FBXW8: variants seen among roughly 807,000 people sequenced by gnomAD.
The protein encoded by FBXW8 is F-box/WD repeat-containing protein 8.
Under a neutral mutation model 65.3 loss-of-function variants are expected in FBXW8, and 57 were observed. That is an observed-to-expected ratio of 0.87 (90% CI 0.71 to 1.09). The LOEUF is 1.09. FBXW8 is among the 50% of genes least tolerant of loss of function. The pLI, the probability that FBXW8 is intolerant of heterozygous loss-of-function variation, is 0.00. For synonymous variants in FBXW8, 308 were observed against 330.2 expected (o/e 0.93, Z 0.73); for missense variants, 777 against 814.8 (o/e 0.95, Z 0.57).
chr12:116,931,027 C>G (rs1433308068), intron 2 of FBXW8, among the ~76,000 whole-genome samples: 2 of 152,176 alleles, frequency 1.3e-5, no homozygotes, highest in Admixed American at 1.3e-4. Flanking sequence ...AGGCTAGTCT[C>G]GAACTCCTGG....
At position 117,029,645 on chromosome 12, in the gene FBXW8, C is replaced by G. The variant is rs1023628029; in HGVS notation, c.*1473C>G. 2 of 152,080 alleles carry G rather than the reference C, an allele frequency of 1.3e-5. No homozygotes were observed. Among genetic ancestry groups the G allele is most frequent in the Admixed American group, 6.5e-5 (1 of 15,268 alleles). The allele number at this position is 152,080 out of a possible 1,614,324, so 9.4% of individuals were successfully genotyped here. On this transcript the variant is annotated 3_prime_UTR_variant, in exon 11 of 11. Coordinates refer to ENST00000652555, the MANE Select transcript of FBXW8 (RefSeq NM_153348.3). ...TTTCAGGTGGGGTCTCGCTCTGTCA[C>G]CTAGACTAGACTGGAGTGCAATGGC...
At chr12:116,958,485 TC>T (rs1428096880) in intron 4 of FBXW8, among the ~76,000 whole-genome samples, 2 of 152,214 alleles carry the variant, frequency 1.3e-5, no homozygotes, top group African/African-American at 4.8e-5. Flanking sequence ...ACCACTTCCA[TC>T]TTCTGGGTTT....
At chr12:116,995,676 G>C (rs1953357312) in intron 7 of FBXW8, among the ~76,000 whole-genome samples, 1 of 151,976 alleles carries the variant, frequency 6.6e-6, no homozygotes, top group South Asian at 2.1e-4. Flanking sequence ...GGATTCTTAG[G>C]TTCTGATGTT....
intron 7 of FBXW8, among the ~76,000 whole-genome samples, chr12:117,003,600 G>A (rs1339143403): frequency 6.6e-6 from 1 of 152,194 alleles, no homozygotes; most frequent in Non-Finnish European, 1.5e-5. Flanking sequence ...TCCCAAAAGT[G>A]CATTCTTTAG....
intron 1 of FBXW8, among the ~76,000 whole-genome samples, chr12:116,913,018 T>A (rs1050181908): frequency 2.6e-5 from 4 of 152,156 alleles, no homozygotes; most frequent in African/African-American, 9.7e-5. Flanking sequence ...GGGATTGAAT[T>A]TGGATCCAGG....
chr12:117,024,196 G>A lies in FBXW8; in HGVS notation c.1417G>A (p.Ala473Thr), dbSNP rs774780381. 3.7e-6 allele frequency: 6 copies of A among 1,614,014 alleles called. No individual in the cohort carries two copies. Among genetic ancestry groups the A allele is most frequent in the South Asian group, 1.1e-5 (1 of 91,084 alleles). Residue 473 changes from alanine to threonine, a missense_variant, in exon 9 of 11, where the codon GCC becomes ACC. Transcript: ENST00000652555. Reference sequence around the variant, plus strand: ...TGGTAACATCGCCCTGTCGCTCTCCGCCCATCAGCTCAGGGTCTCTGCTGT... The same window carrying A: ...TGGTAACATCGCCCTGTCGCTCTCCACCCATCAGCTCAGGGTCTCTGCTGT... ...RSGNIALSLS[A>T]HQLRVSAVQM...
chr12:117,020,896 A>T (rs1954077835), intron 8 of FBXW8, among the ~76,000 whole-genome samples: 1 of 152,232 alleles, frequency 6.6e-6, no homozygotes, highest in Admixed American at 6.5e-5. Flanking sequence ...GGAACTGTCA[A>T]CATGTTGTCT....
rs149542596 is a variant in FBXW8, at chr12:116,966,092, A to G, written c.835+1238A>G. On this transcript the variant is annotated intron_variant, in intron 5 of 10. Coordinates refer to ENST00000652555, the MANE Select transcript of FBXW8 (RefSeq NM_153348.3). ...AAATATTTTTATATTTTATATAATT[A>G]CTTTAGCAACGTGATGTTGGTTTGA... 2.3e-4 allele frequency among the ~76,000 whole-genome samples: 35 copies of G among 152,174 alleles called. No homozygotes were observed. In the East Asian group the frequency reaches 6.4e-3, roughly 28 times the overall value.
Position 116,985,312 on chromosome 12 carries a change from G to A in FBXW8, c.942G>A (p.Val314=). 1 of 1,614,182 alleles carries A rather than the reference G, an allele frequency of 6.2e-7. No homozygotes were observed. The highest frequency in any genetic ancestry group is 8.5e-7 in the Non-Finnish European group (1 of 1,180,036). Residue 314 remains valine (V), a synonymous_variant, in exon 6 of 11, where the codon GTG becomes GTA. Transcript: ENST00000652555. ...ALALSQDDAT[V]ATASAFDVVM... is the part of the protein sequence containing the mutation. ...CCCTCAGCCAGGACGATGCAACCGT[G>A]GCCACAGCTTCTGCTTTTGATGTCG... is the stretch of plus-strand genomic sequence containing the variant.
At chr12:116,926,619 C>T (rs938133006) in intron 1 of FBXW8, among the ~76,000 whole-genome samples, 2 of 152,108 alleles carry the variant, frequency 1.3e-5, no homozygotes, top group African/African-American at 4.8e-5. Context: ...CACCCCTGAG[C>T]CTTCTAATTA....
chr12:116,920,706 C>T (rs926978375), intron 1 of FBXW8, among the ~76,000 whole-genome samples: 1 of 152,102 alleles, frequency 6.6e-6, no homozygotes, highest in Non-Finnish European at 1.5e-5. Flanking sequence ...CTGTGGTGAC[C>T]AGGACCCGCA....
chr12:116,949,902 C>T (rs1424041814), intron 4 of FBXW8, 196 bp downstream of exon 4: 25 of 602,240 alleles, frequency 4.2e-5, no homozygotes, highest in Non-Finnish European at 2.7e-5. Flanking sequence ...GTGAGAAGCA[C>T]ATGGTGTAGA....
intron 7 of FBXW8, among the ~76,000 whole-genome samples, chr12:116,996,930 G>A (rs1214743929): frequency 6.6e-6 from 1 of 152,192 alleles, no homozygotes; most frequent in Non-Finnish European, 1.5e-5. Context: ...TGTAAAGGAG[G>A]CGTGTTGAGA....
chr12:117,023,198 C>G (rs566496027), intron 8 of FBXW8, among the ~76,000 whole-genome samples: 1 of 152,152 alleles, frequency 6.6e-6, no homozygotes, highest in Admixed American at 6.5e-5. Flanking sequence ...AGTCAGGGCA[C>G]GGGACATGTT....
chr12:117,020,101 C>T (rs1201710232), intron 8 of FBXW8, among the ~76,000 whole-genome samples: 1 of 152,224 alleles, frequency 6.6e-6, no homozygotes, highest in African/African-American at 2.4e-5. Flanking sequence ...GCACGGCTGC[C>T]AGTCAGCCTG....
intron 1 of FBXW8, among the ~76,000 whole-genome samples, chr12:116,920,989 G>A (rs1296654650): frequency 2.6e-5 from 4 of 152,112 alleles, no homozygotes; most frequent in Non-Finnish European, 4.4e-5. Flanking sequence ...TAGACTAAAA[G>A]GGGGCTCAAA....
rs1882139034 is a variant in FBXW8 at position 116,936,116 on chromosome 12, G to A, written c.423+7989G>A. The stretch of plus-strand genomic sequence containing the variant: ...AGAACAAGACAGTAGAGGTGATATG[G>A]GGGTTGCACTTTTGAGTGGCCAGGG... On this transcript the variant is annotated intron_variant, in intron 2 of 10. Transcript: ENST00000652555. The surrounding 1 kb of genome is among the most constrained non-coding windows in gnomAD (Gnocchi z 4.6). 6.6e-6 allele frequency among the ~76,000 whole-genome samples: 1 copy of A among 152,204 alleles called. No individual in the cohort carries two copies. Among genetic ancestry groups the A allele is most frequent in the Non-Finnish European group, 1.5e-5 (1 of 68,036 alleles).
Position 116,985,210 on chromosome 12 carries a change from T to C in FBXW8, c.840T>C (p.Phe280=), listed in dbSNP as rs1221709274. 2 of 1,599,868 alleles carry C rather than the reference T, an allele frequency of 1.3e-6. No individual in the cohort carries two copies. The highest frequency in any genetic ancestry group is 1.7e-6 in the Non-Finnish European group (2 of 1,175,116). ...SLAVAAYEDG[F]LNIWDLRTGK... is the part of the protein sequence containing the mutation. ...GCATTGTTTCTTGCTGCATAGGGTT[T>C]CTTAATATTTGGGATTTAAGGACCG... Residue 280 remains phenylalanine, a synonymous_variant, in exon 6 of 11, where the codon TTT becomes TTC. Coordinates refer to ENST00000652555, the MANE Select transcript of FBXW8 (RefSeq NM_153348.3).
At chr12:116,924,388 T>C (rs1881161674) in intron 1 of FBXW8, among the ~76,000 whole-genome samples, 1 of 152,246 alleles carries the variant, frequency 6.6e-6, no homozygotes. Context: ...GGGTAATTAA[T>C]GTATCCATCA....
Sources: allele counts gnomAD v4.1 joint callset (sites outside exome capture counted in the v4.1 genomes callset), GRCh38; gene constraint gnomAD v4.1.1; non-coding constraint Gnocchi (gnomAD v3.1); transcripts MANE v1.5; gene names NCBI Gene and HGNC (gene_info 2026-07-23, HGNC 2026-07-21).